ETS1: variants seen among roughly 807,000 people sequenced by gnomAD.
ETS1 encodes the protein protein C-ets-1.
Under a neutral mutation model 58.6 loss-of-function variants are expected in ETS1, and 15 were observed. The ratio of observed to expected loss-of-function variants is 0.26; its 90% CI spans 0.17 to 0.39. ETS1 has a LOEUF of 0.39. Ranked by LOEUF, ETS1 falls within the 10% of genes least tolerant of loss-of-function variation. The pLI, the probability that ETS1 is intolerant of heterozygous loss-of-function variation, is 1.00. For synonymous variants in ETS1, 214 were observed against 218.2 expected (o/e 0.98, Z 0.17); for missense variants, 417 against 610.5 (o/e 0.68, Z 3.34).
intron 1 of ETS1, among the ~76,000 whole-genome samples, chr11:128,581,660 A>T (rs1864873015): frequency 6.6e-6 from 1 of 152,224 alleles, no homozygotes. Flanking sequence ...TTTCCAAGTC[A>T]AATGCAAAGA....
At chr11:128,566,587 T>C (rs917362346) in intron 2 of ETS1, among the ~76,000 whole-genome samples, 17 of 152,102 alleles carry the variant, frequency 1.1e-4, no homozygotes, top group South Asian at 2.1e-4. Flanking sequence ...ATCGAGACCA[T>C]CCTGGCTAAC....
chr11:128,464,463 C>T lies in ETS1; in HGVS notation c.1124-836G>A, dbSNP rs1005110288. On this transcript the variant is annotated intron_variant, in intron 8 of 9. Transcript: ENST00000392668. The surrounding 1 kb of genome is among the most constrained non-coding windows in gnomAD (Gnocchi z 4.1). ...TCTATGCTAAAAGGTTTATATCACA[C>T]CGATTTCCTTTGAGGATACTTTTCT... Among the ~76,000 whole-genome samples the T allele has an allele frequency of 6.6e-6, 1 of 152,004 alleles. No individual in the cohort carries two copies. The highest frequency in any genetic ancestry group is 2.4e-5 in the African/African-American group (1 of 41,334).
intron 7 of ETS1, among the ~76,000 whole-genome samples, chr11:128,481,133 C>A (rs1294654417): frequency 7.2e-6 from 1 of 138,910 alleles, no homozygotes; most frequent in Non-Finnish European, 1.5e-5. Flanking sequence ...CACTATCACT[C>A]TTCTAAACAG....
In ETS1 at chr11:128,565,058, A is replaced by AAATAAATAAATAAAAT. The variant is rs374454292; in HGVS notation, c.69+8003_69+8004insATTTTATTTATTTATT. Among the ~76,000 whole-genome samples the AAATAAATAAATAAAAT allele has an allele frequency of 4.2e-3, 605 of 142,840 alleles. 2 individuals carry two copies. The highest frequency in any genetic ancestry group is 0.011 in the Admixed American group (165 of 14,520). The allele number at this position is 142,840 out of a possible 152,430, so 93.7% of individuals were successfully genotyped here. ...TAAATAAATAAATAAATAAATAAAT[A>AAATAAATAAATAAAAT]AAATAAATGTGTTTGTAAGGAGTTG... is the stretch of plus-strand genomic sequence containing the variant. On this transcript the variant is annotated intron_variant, in intron 2 of 9. Transcript: ENST00000392668.
In ETS1 at chr11:128,565,900, C is replaced by A. The variant is rs368495003; in HGVS notation, c.69+7162G>T. Among the ~76,000 whole-genome samples, 226 of 152,320 alleles carry A rather than the reference C, an allele frequency of 1.5e-3. 2 individuals carry two copies. Among genetic ancestry groups the A allele is most frequent in the African/African-American group, 5.4e-3 (225 of 41,568 alleles). ...AATCACTGCATAAGAAGTGCAGGGA[C>A]AGCAGAGTGACCCTTCTGTGAACAC... On this transcript the variant is annotated intron_variant, in intron 2 of 9. Transcript: ENST00000392668.
chr11:128,585,205 A>G lies in ETS1; in HGVS notation c.-15+2283T>C, dbSNP rs191788532. Among the ~76,000 whole-genome samples the G allele has an allele frequency of 1.7e-3, 231 of 132,534 alleles. 9 individuals are homozygous for G. Among genetic ancestry groups the G allele is most frequent in the South Asian group, 6.6e-3 (26 of 3,920 alleles). 86.9% of individuals were successfully genotyped at this position (132,534 alleles called of 152,430 possible). A position where few individuals can be genotyped will look rare whatever the true frequency, so the allele number is the denominator to read the frequency against. ...AAGAAAGAAGGAAGGAAAGAAAGAA[A>G]GAAAGAAAGAAAGAAAGAAAGAAAG... On this transcript the variant is annotated intron_variant, in intron 1 of 9. Coordinates refer to ENST00000392668, the MANE Select transcript of ETS1 (RefSeq NM_001143820.2).
Position 128,496,817 on chromosome 11 carries a change from C to A in ETS1, c.215-6241G>T, listed in dbSNP as rs376170015. 3.5e-4 allele frequency among the ~76,000 whole-genome samples: 54 copies of A among 152,222 alleles called. No individual in the cohort carries two copies. The East Asian group carries it at 8.3e-3, about 23-fold the overall frequency. On this transcript the variant is annotated intron_variant, in intron 3 of 9. Transcript: ENST00000392668. Reference sequence around the variant, plus strand: ...TTCCAGCTTAGGGAGGTACTATAATCCACAAAGCTTCTGGCTAAGGTTAAT... The same window carrying A: ...TTCCAGCTTAGGGAGGTACTATAATACACAAAGCTTCTGGCTAAGGTTAAT...
rs905565701 is a variant in ETS1 at position 128,551,060 on chromosome 11, C to T, written c.214+5231G>A. ...AAGCACACACACTCTCAGGACCGTTCTGTTCTGAAGAACAAAGAACCTGAC... is the reference window on the plus strand; with the variant it reads ...AAGCACACACACTCTCAGGACCGTTTTGTTCTGAAGAACAAAGAACCTGAC... On this transcript the variant is annotated intron_variant, in intron 3 of 9. Coordinates refer to ENST00000392668, the MANE Select transcript of ETS1 (RefSeq NM_001143820.2). Among the ~76,000 whole-genome samples the T allele has an allele frequency of 3.3e-5, 5 of 152,176 alleles. No homozygotes were observed. In the East Asian group the frequency reaches 9.6e-4, roughly 29 times the overall value.
chr11:128,471,927 C>A (rs776100524), intron 8 of ETS1, among the ~76,000 whole-genome samples: 4 of 152,182 alleles, frequency 2.6e-5, no homozygotes, highest in Non-Finnish European at 4.4e-5. Context: ...TGAGAGAAAT[C>A]ACTAGTTAGG....
chr11:128,580,125 A>G (rs889514913), intron 1 of ETS1, among the ~76,000 whole-genome samples: 1 of 150,900 alleles, frequency 6.6e-6, no homozygotes, highest in African/African-American at 2.4e-5. Flanking sequence ...GGTGTGTACA[A>G]TCCTTGTGCG....
At chr11:128,576,074 C>T (rs1040437442) in intron 1 of ETS1, among the ~76,000 whole-genome samples, 2 of 152,230 alleles carry the variant, frequency 1.3e-5, no homozygotes, top group South Asian at 4.1e-4. Flanking sequence ...GGACTGTATT[C>T]TTGAAGCTAT....
chr11:128,487,332 C>A (rs1188712042), intron 5 of ETS1, among the ~76,000 whole-genome samples: 6 of 152,238 alleles, frequency 3.9e-5, no homozygotes, highest in African/African-American at 1.4e-4. Context: ...AATTTTCTTA[C>A]ATTATTCCTT....
chr11:128,549,744 C>T lies in ETS1; in HGVS notation c.214+6547G>A, dbSNP rs1380755082. On this transcript the variant is annotated intron_variant, in intron 3 of 9. Coordinates refer to ENST00000392668, the MANE Select transcript of ETS1 (RefSeq NM_001143820.2). The surrounding 1 kb of genome is among the most constrained non-coding windows in gnomAD (Gnocchi z 4.3). ...ACATTTGTAAAGGCCTTTCCAAGCC[C>T]TCCTTCCTCGGGGCTGTTGGGGTCA... is the stretch of plus-strand genomic sequence containing the variant. Among the ~76,000 whole-genome samples, 1 of 152,164 alleles carries T rather than the reference C, an allele frequency of 6.6e-6. No individual in the cohort carries two copies. Among genetic ancestry groups the T allele is most frequent in the African/African-American group, 2.4e-5 (1 of 41,430 alleles).
At chr11:128,477,319 G>A (rs1862348787) in intron 8 of ETS1, among the ~76,000 whole-genome samples, 1 of 152,194 alleles carries the variant, frequency 6.6e-6, no homozygotes, top group Admixed American at 6.5e-5. Context: ...AGGTGAGTGT[G>A]ACTTTTACAA....
rs1864195571 is a variant in ETS1 at position 128,549,526 on chromosome 11, G to T, written c.214+6765C>A. ...TGTGGTTTGAAAAAGTTGAGAGAAC[G>T]TTTTTTCTCTCCGCAGCCCCCTGGG... On this transcript the variant is annotated intron_variant, in intron 3 of 9. Coordinates refer to ENST00000392668, the MANE Select transcript of ETS1 (RefSeq NM_001143820.2). This position sits in a 1 kb window ranked among gnomAD's most constrained non-coding sequence, Gnocchi z 4.3. Among the ~76,000 whole-genome samples the T allele has an allele frequency of 1.3e-5, 2 of 152,158 alleles. No homozygotes were observed. Among genetic ancestry groups the T allele is most frequent in the African/African-American group, 4.8e-5 (2 of 41,450 alleles).
At chr11:128,517,230 C>G (rs909726249) in intron 3 of ETS1, among the ~76,000 whole-genome samples, 3 of 152,206 alleles carry the variant, frequency 2.0e-5, no homozygotes, top group African/African-American at 7.2e-5. Flanking sequence ...AGCAGGGAGC[C>G]ACTGTACCTC....
At position 128,462,469 on chromosome 11, in the gene ETS1, C is replaced by T. The variant is rs200548427; in HGVS notation, c.1350G>A (p.Ala450=). 6.6e-5 allele frequency: 106 copies of T among 1,614,064 alleles called. No homozygotes were observed. Among genetic ancestry groups the T allele is most frequent in the Non-Finnish European group, 8.1e-5 (96 of 1,180,040 alleles). ...YYDKNIIHKT[A]GKRYVYRFVC... is the part of the protein sequence containing the mutation. The stretch of plus-strand genomic sequence containing the variant: ...CAAAGCGGTACACGTAGCGTTTCCC[C>T]GCTGTCTTGTGGATGATGTTTTTGT... The change falls in exon 10 of 10, where the codon GCG becomes GCA. Residue 450 remains alanine (A), a synonymous_variant. Coordinates refer to ENST00000392668, the MANE Select transcript of ETS1 (RefSeq NM_001143820.2).
At chr11:128,521,060 A>C (rs1863653887) in intron 3 of ETS1, among the ~76,000 whole-genome samples, 1 of 152,226 alleles carries the variant, frequency 6.6e-6, no homozygotes, top group Non-Finnish European at 1.5e-5. Context: ...TTCCCTCTCA[A>C]ACTACATTTG....
At chr11:128,482,277 G>T (rs947150038) in intron 7 of ETS1, among the ~76,000 whole-genome samples, 2 of 152,076 alleles carry the variant, frequency 1.3e-5, no homozygotes, top group African/African-American at 4.8e-5. Flanking sequence ...AAATTCTGTG[G>T]CGTCTCATAA....
Sources: gnomAD v4.1 joint callset for allele counts (sites outside exome capture counted in the v4.1 genomes callset) on GRCh38, gnomAD v4.1.1 for gene constraint, Gnocchi (gnomAD v3.1) non-coding constraint, MANE v1.5 for transcripts, NCBI Gene and HGNC (gene_info 2026-07-23, HGNC 2026-07-21) for gene names.